Variants in GGA2 observed in about 807,000 individuals in gnomAD.
GGA2 encodes the protein ADP-ribosylation factor-binding protein GGA2.
In GGA2, 48 loss-of-function variants were observed where a neutral mutation model predicts 79.5. That is an observed-to-expected ratio of 0.60 (90% CI 0.48 to 0.77). The LOEUF (loss-of-function observed/expected upper bound fraction) is 0.77. Ranked by LOEUF, GGA2 falls within the 30% of genes least tolerant of loss-of-function variation. The pLI is 0.00. For synonymous variants in GGA2, 317 were observed against 302.0 expected (o/e 1.05, Z -0.51); for missense variants, 770 against 774.0 (o/e 0.99, Z 0.06).
Position 23,480,897 on chromosome 16 carries a change from T to C in GGA2, c.881-127A>G, listed in dbSNP as rs1596981804. 5 of 874,994 alleles carry C rather than the reference T, an allele frequency of 5.7e-6. No homozygotes were observed. In the East Asian group the frequency reaches 1.2e-4, roughly 22 times the overall value. 54.2% of individuals were successfully genotyped at this position (874,994 alleles called of 1,614,324 possible). A position where few individuals can be genotyped will look rare whatever the true frequency, so the allele number is the denominator to read the frequency against. ...GTTCAGTTTATCCACACCTCCTGCCTCCAGGTTGTGTCATCGGACCCTATC... is the reference window on the plus strand; with the variant it reads ...GTTCAGTTTATCCACACCTCCTGCCCCCAGGTTGTGTCATCGGACCCTATC... On this transcript the variant is annotated intron_variant, in intron 9 of 16. Transcript: ENST00000309859.
At position 23,506,688 on chromosome 16, in the gene GGA2, G is replaced by A. The variant is rs142540707; in HGVS notation, c.91+3633C>T. Among the ~76,000 whole-genome samples, 238 of 152,240 alleles carry A rather than the reference G, an allele frequency of 1.6e-3. 2 individuals are homozygous for A. The highest frequency in any genetic ancestry group is 5.0e-3 in the African/African-American group (208 of 41,544). On this transcript the variant is annotated intron_variant, in intron 1 of 16. Coordinates refer to ENST00000309859, the MANE Select transcript of GGA2 (RefSeq NM_015044.4). ...CAAAGGTTGAGAAACCCAGCTCTCC[G>A]TCCGGGTGGGCCCACTTCGGTTTGC...
chr16:23,499,287 G>A (rs186019250), intron 1 of GGA2, among the ~76,000 whole-genome samples: 4 of 152,016 alleles, frequency 2.6e-5, no homozygotes, highest in Admixed American at 2.6e-4. Context: ...TAGGATCACA[G>A]GTGCCCACCA....
intron 2 of GGA2, among the ~76,000 whole-genome samples, chr16:23,518,689 C>T (rs541607723): frequency 3.6e-5 from 5 of 139,176 alleles, no homozygotes; most frequent in Non-Finnish European, 7.7e-5. Context: ...AAGACTTCCC[C>T]GCTTAAATGG....
chr16:23,473,860 A>T (rs764361240), intron 14 of GGA2, among the ~76,000 whole-genome samples: 1 of 152,236 alleles, frequency 6.6e-6, no homozygotes, highest in African/African-American at 2.4e-5. Context: ...TAAATCAAAA[A>T]TCAATAAAGA....
chr16:23,470,904 A>G (rs974024101), intron 14 of GGA2, among the ~76,000 whole-genome samples: 4 of 128,930 alleles, frequency 3.1e-5, no homozygotes, highest in Non-Finnish European at 4.6e-5. Context: ...ATCTTGGCTC[A>G]CCGCAACCTC....
chr16:23,495,836 C>G (rs1354568869), intron 1 of GGA2, 58 bp from the exon 2 acceptor site: 4 of 1,081,828 alleles, frequency 3.7e-6, no homozygotes, highest in Non-Finnish European at 5.6e-6. Context: ...TACACCCCTC[C>G]CCATACACAT....
rs1964586201 is a variant in GGA2, at chr16:23,477,200, C to T, written c.1292+1168G>A. Reference sequence around the variant, plus strand: ...CTCCAGGGCTCAAGCGATCCACCTGCCTTGGCCTCCCAAAGTTCTGGGATT... The same window carrying T: ...CTCCAGGGCTCAAGCGATCCACCTGTCTTGGCCTCCCAAAGTTCTGGGATT... On this transcript the variant is annotated intron_variant, in intron 13 of 16. Transcript: ENST00000309859. 2.0e-5 allele frequency among the ~76,000 whole-genome samples: 3 copies of T among 152,148 alleles called. No individual in the cohort carries two copies. In the South Asian group the frequency reaches 6.2e-4, roughly 32 times the overall value.
Position 23,465,533 on chromosome 16 carries a change from C to T in GGA2, c.*2057G>A. ...ACCTCCTAACTATAGGGGAGAAAGC[C>T]TGTCTTTATGTATAAGTCTCATTCA... On this transcript the variant is annotated 3_prime_UTR_variant, in exon 17 of 17. Coordinates refer to ENST00000309859, the MANE Select transcript of GGA2 (RefSeq NM_015044.4). 1 of 648,270 alleles carries T rather than the reference C, an allele frequency of 1.5e-6. No homozygotes were observed. Among genetic ancestry groups the T allele is most frequent in the Non-Finnish European group, 2.8e-6 (1 of 359,022 alleles). The allele number at this position is 648,270 out of a possible 1,614,324, so 40.2% of individuals were successfully genotyped here.
exon 2 of GGA2, chr16:23,519,592 G>T: frequency 2.4e-6 from 1 of 422,890 alleles, no homozygotes; most frequent in Non-Finnish European, 4.7e-6. Context: ...TTTACCTTCA[G>T]GGCTAGGGCA....
chr16:23,486,651 A>G, intron 7 of GGA2, 59 bp downstream of exon 7: 1 of 962,046 alleles, frequency 1.0e-6, no homozygotes, highest in Admixed American at 1.7e-5. Context: ...GCTCATATGC[A>G]CTGTCCTTCA....
At chr16:23,485,910 T>C (rs1964705610) in intron 8 of GGA2, 105 bp downstream of exon 8, 21 of 1,049,044 alleles carry the variant, frequency 2.0e-5, no homozygotes, top group Non-Finnish European at 2.7e-5. Context: ...GTCAGATATG[T>C]TTACCGTCTT....
chr16:23,500,932 G>A (rs1457313056), intron 1 of GGA2: 1 of 278,160 alleles, frequency 3.6e-6, no homozygotes, highest in African/African-American at 2.2e-5. Flanking sequence ...TATATACCAT[G>A]GCATCTTGAT....
intron 1 of GGA2, among the ~76,000 whole-genome samples, chr16:23,505,340 G>GT (rs1196875710): frequency 4.6e-5 from 7 of 152,138 alleles, no homozygotes. Context: ...ACTGAGTGCT[G>GT]TTTTTAATAG....
intron 14 of GGA2, among the ~76,000 whole-genome samples, chr16:23,473,855 C>T (rs988582606): frequency 6.6e-6 from 1 of 152,086 alleles, no homozygotes; most frequent in Non-Finnish European, 1.5e-5. Context: ...TTTCTTAAAT[C>T]AAAAATCAAT....
intron 16 of GGA2, among the ~76,000 whole-genome samples, chr16:23,468,323 G>A (rs1394397036): frequency 2.0e-5 from 3 of 151,622 alleles, no homozygotes; most frequent in African/African-American, 4.8e-5. Context: ...GACTACAGGC[G>A]CACGCCACCA....
At chr16:23,473,626 CCTATTCTATCTTTAAT>C (rs1309972770) in intron 14 of GGA2, among the ~76,000 whole-genome samples, 2 of 152,062 alleles carry the variant, frequency 1.3e-5, no homozygotes, top group Non-Finnish European at 2.9e-5. Flanking sequence ...CTGCGTCTGG[CCTATTCTATCTTTAAT>C]AAAACTCTAC....
chr16:23,505,503 A>G (rs1428352841), intron 1 of GGA2, among the ~76,000 whole-genome samples: 1 of 152,216 alleles, frequency 6.6e-6, no homozygotes, highest in Non-Finnish European at 1.5e-5. Context: ...AAATACATGA[A>G]GTGGAAAAAA....
chr16:23,470,184 G>A lies in GGA2; in HGVS notation c.1451-19C>T. 1 of 1,570,700 alleles carries A rather than the reference G, an allele frequency of 6.4e-7. No homozygotes were observed. Among genetic ancestry groups the A allele is most frequent in the Middle Eastern group, 2.2e-4 (1 of 4,618 alleles). ...AGGCTGCCTGGTATAAAGGGCACAA[G>A]CAGAAGGTTTAACACCACTACAAAC... On this transcript the variant is annotated intron_variant, in intron 14 of 16. Coordinates refer to ENST00000309859, the MANE Select transcript of GGA2 (RefSeq NM_015044.4).
At chr16:23,502,261 G>A (rs1257749250) in intron 1 of GGA2, among the ~76,000 whole-genome samples, 1 of 152,156 alleles carries the variant, frequency 6.6e-6, no homozygotes, top group Admixed American at 6.5e-5. Context: ...GAGGGAATCT[G>A]TGCATGTGAA....
Sources: gnomAD v4.1 joint callset for allele counts (sites outside exome capture counted in the v4.1 genomes callset) on GRCh38, gnomAD v4.1.1 for gene constraint, MANE v1.5 for transcripts, NCBI Gene and HGNC (gene_info 2026-07-23, HGNC 2026-07-21) for gene names.